The following TAOK3 variants were observed in gnomAD, a reference collection of about 807,000 sequenced individuals.
TAOK3 encodes the protein serine/threonine-protein kinase TAO3.
Under a neutral mutation model 120.4 loss-of-function variants are expected in TAOK3, and 40 were observed. That is an observed-to-expected ratio of 0.33 (90% CI 0.26 to 0.43). The LOEUF is 0.43. Among genes scored for constraint, TAOK3 ranks in the 20% least tolerant of loss-of-function variants. TAOK3 has a pLI of 1.00. For synonymous variants in TAOK3, 355 were observed against 387.5 expected (o/e 0.92, Z 0.99); for missense variants, 821 against 1,112.1 (o/e 0.74, Z 3.72).
intron 13 of TAOK3, among the ~76,000 whole-genome samples, chr12:118,197,661 A>G (rs1026721771): frequency 6.6e-6 from 1 of 151,520 alleles, no homozygotes; most frequent in Non-Finnish European, 1.5e-5. Flanking sequence ...TCCCTCCAAA[A>G]AGACAGCCCA....
At chr12:118,214,577 AC>A (rs1243349110) in intron 9 of TAOK3, among the ~76,000 whole-genome samples, 1 of 150,790 alleles carries the variant, frequency 6.6e-6, no homozygotes. Context: ...ATAAAATGCA[AC>A]TTTTTTTTTT....
At chr12:118,314,319 A>G (rs1235178517) in intron 1 of TAOK3, among the ~76,000 whole-genome samples, 1 of 152,176 alleles carries the variant, frequency 6.6e-6, no homozygotes, top group Non-Finnish European at 1.5e-5. Flanking sequence ...TCAATATCTT[A>G]TTTTGCATTT....
intron 14 of TAOK3, among the ~76,000 whole-genome samples, chr12:118,184,040 A>G (rs1179633356): frequency 6.6e-6 from 1 of 152,200 alleles, no homozygotes; most frequent in Non-Finnish European, 1.5e-5. Context: ...ACCAGATCAC[A>G]TACAAGGTGA....
At chr12:118,363,727 A>AGTGTGTGTGTGTGT (rs552898130) in intron 1 of TAOK3, among the ~76,000 whole-genome samples, 11 of 147,506 alleles carry the variant, frequency 7.5e-5, no homozygotes, top group African/African-American at 2.3e-4. Context: ...TGGTCAAGGC[A>AGTGTGTGTGTGTGT]GTGTGTGTGT....
At chr12:118,332,267 T>TCC (rs1313445936) in intron 1 of TAOK3, among the ~76,000 whole-genome samples, 1 of 152,132 alleles carries the variant, frequency 6.6e-6, no homozygotes, top group Non-Finnish European at 1.5e-5. Context: ...CCTCCACCCT[T>TCC]CCCCCAACCC....
intron 1 of TAOK3, among the ~76,000 whole-genome samples, chr12:118,285,446 G>A (rs111654982): frequency 2.0e-5 from 3 of 151,600 alleles, no homozygotes; most frequent in African/African-American, 4.8e-5. Flanking sequence ...TCCACCTCCC[G>A]GGTTCAAGTG....
intron 5 of TAOK3, among the ~76,000 whole-genome samples, chr12:118,240,198 G>C (rs1226705206): frequency 1.9e-5 from 1 of 53,466 alleles, no homozygotes; most frequent in Admixed American, 2.2e-4. Context: ...TTTTTTTTTT[G>C]AGACGGAGTT....
At position 118,327,744 on chromosome 12, in the gene TAOK3, C is replaced by T. The variant is rs866990413; in HGVS notation, c.-194+44904G>A. 2.6e-5 allele frequency among the ~76,000 whole-genome samples: 4 copies of T among 152,244 alleles called. No individual in the cohort carries two copies. The South Asian group carries it at 8.3e-4, about 32-fold the overall frequency. ...CATTTTATGTCTTCCTGAAAAAGAT[C>T]TACTTACAGACCACAAACATGATCC... On this transcript the variant is annotated intron_variant, in intron 1 of 20. Coordinates refer to ENST00000392533, the MANE Select transcript of TAOK3 (RefSeq NM_016281.4).
At chr12:118,358,746 A>G (rs553782637) in intron 1 of TAOK3, among the ~76,000 whole-genome samples, 1 of 152,346 alleles carries the variant, frequency 6.6e-6, no homozygotes, top group South Asian at 2.1e-4. Context: ...TAAATAGAGC[A>G]CATGAATCCA....
At chr12:118,273,602 G>T (rs745895038) in intron 1 of TAOK3, among the ~76,000 whole-genome samples, 3 of 152,134 alleles carry the variant, frequency 2.0e-5, no homozygotes, top group Non-Finnish European at 2.9e-5. Context: ...ATCACTTGAC[G>T]TCAGCAGTTC....
At chr12:118,299,080 A>G (rs1483340502) in intron 1 of TAOK3, among the ~76,000 whole-genome samples, 1 of 152,226 alleles carries the variant, frequency 6.6e-6, no homozygotes, top group Non-Finnish European at 1.5e-5. Context: ...TACTTGCATG[A>G]TACTATGCAA....
intron 1 of TAOK3, among the ~76,000 whole-genome samples, chr12:118,342,020 CTCAAAAA>C (rs895082006): frequency 3.9e-5 from 6 of 152,136 alleles, no homozygotes; most frequent in African/African-American, 1.4e-4. Context: ...GAGACTCTGT[CTCAAAAA>C]ACAAAAAACA....
At chr12:118,215,894 A>G (rs1263513373) in intron 9 of TAOK3, among the ~76,000 whole-genome samples, 2 of 142,178 alleles carry the variant, frequency 1.4e-5, no homozygotes, top group Non-Finnish European at 3.1e-5. Flanking sequence ...AATTTAAACA[A>G]TTTTTTTTTT....
At chr12:118,201,225 T>C (rs1950346166) in intron 12 of TAOK3, 71 bp downstream of exon 12, 14 of 1,397,818 alleles carry the variant, frequency 1.0e-5, no homozygotes, top group East Asian at 6.9e-5. Context: ...AAGTTTTTCA[T>C]AGTGCCCAGT....
At chr12:118,196,524 T>TA (rs1302289638) in intron 13 of TAOK3, among the ~76,000 whole-genome samples, 4 of 151,934 alleles carry the variant, frequency 2.6e-5, no homozygotes, top group Non-Finnish European at 5.9e-5. Context: ...CTCCAAAAAT[T>TA]AAAAAAAGAA....
At chr12:118,332,917 A>G (rs1202285217) in intron 1 of TAOK3, among the ~76,000 whole-genome samples, 2 of 152,058 alleles carry the variant, frequency 1.3e-5, no homozygotes, top group East Asian at 3.8e-4. Flanking sequence ...TGATAAAAGA[A>G]CGAATCTACC....
At chr12:118,329,205 T>C (rs2044048963) in intron 1 of TAOK3, among the ~76,000 whole-genome samples, 1 of 152,176 alleles carries the variant, frequency 6.6e-6, no homozygotes, top group African/African-American at 2.4e-5. Flanking sequence ...TAAGAGAATA[T>C]AGATGTTTGG....
chr12:118,336,001 T>C (rs2044353206), intron 1 of TAOK3, among the ~76,000 whole-genome samples: 1 of 152,164 alleles, frequency 6.6e-6, no homozygotes, highest in African/African-American at 2.4e-5. Context: ...AGACTCAACA[T>C]AGAAAAGACG....
intron 19 of TAOK3, among the ~76,000 whole-genome samples, chr12:118,156,020 C>T (rs964701466): frequency 6.6e-6 from 1 of 152,222 alleles, no homozygotes; most frequent in East Asian, 1.9e-4. Flanking sequence ...AGCCACCGCG[C>T]CTGGTCTCTC....
Sources: gnomAD v4.1 joint callset for allele counts (sites outside exome capture counted in the v4.1 genomes callset) on GRCh38, gnomAD v4.1.1 for gene constraint, MANE v1.5 for transcripts, NCBI Gene and HGNC (gene_info 2026-07-23, HGNC 2026-07-21) for gene names.